The following MBP variants were observed in gnomAD, a reference collection of about 807,000 sequenced individuals.
MBP encodes the protein Golli-MBP.
A neutral mutation model predicts 35.8 loss-of-function variants in MBP; 16 were observed. That is an observed-to-expected ratio of 0.45 (90% confidence interval 0.30 to 0.68). The LOEUF is 0.68. Ranked by LOEUF, MBP falls within the 30% of genes least tolerant of loss-of-function variation. The pLI, the probability that MBP is intolerant of heterozygous loss-of-function variation, is 0.08. For synonymous variants in MBP, 143 were observed against 159.6 expected (o/e 0.90, Z 0.78); for missense variants, 380 against 404.7 (o/e 0.94, Z 0.52).
chr18:77,047,826 A>G (rs1248150839), intron 3 of MBP, among the ~76,000 whole-genome samples: 1 of 152,208 alleles, frequency 6.6e-6, no homozygotes, highest in Non-Finnish European at 1.5e-5. Flanking sequence ...TCCAAATGCT[A>G]GCAAATGAAC....
intron 2 of MBP, among the ~76,000 whole-genome samples, chr18:77,075,330 TAAGAG>T (rs1347606637): frequency 1.3e-5 from 2 of 152,246 alleles, no homozygotes; most frequent in African/African-American, 2.4e-5. Flanking sequence ...ATGGAATTGA[TAAGAG>T]AAAACACTCT....
At chr18:77,070,088 C>CAAAA (rs529699709) in intron 2 of MBP, among the ~76,000 whole-genome samples, 2 of 152,234 alleles carry the variant, frequency 1.3e-5, no homozygotes, top group South Asian at 4.1e-4. Context: ...TTCCTGTAAG[C>CAAAA]AAAAGGTCTA....
intron 3 of MBP, among the ~76,000 whole-genome samples, chr18:77,029,776 CCACA>C (rs890176105): frequency 1.5e-5 from 2 of 132,048 alleles, no homozygotes; most frequent in Non-Finnish European, 3.4e-5. Context: ...CATAAAATGA[CCACA>C]CACACACACA....
intron 3 of MBP, among the ~76,000 whole-genome samples, chr18:77,034,722 G>A (rs750149300): frequency 1.3e-5 from 2 of 152,204 alleles, no homozygotes; most frequent in Non-Finnish European, 2.9e-5. Context: ...CTCCCTGATC[G>A]CTCCTTCGGA....
chr18:77,130,029 A>G (rs1599295686), intron 1 of MBP, among the ~76,000 whole-genome samples: 1 of 147,890 alleles, frequency 6.8e-6, no homozygotes, highest in South Asian at 2.3e-4. Context: ...AGCCTGGGTG[A>G]CAGAGCAAGA....
At chr18:77,098,445 T>G (rs1449389106) in intron 2 of MBP, among the ~76,000 whole-genome samples, 3 of 152,164 alleles carry the variant, frequency 2.0e-5, no homozygotes. Flanking sequence ...ATAAAAAGTA[T>G]TTTTAATATG....
At chr18:77,015,127 G>A in intron 4 of MBP, 1 of 983,612 alleles carries the variant, frequency 1.0e-6, no homozygotes, top group Non-Finnish European at 1.2e-6. Context: ...TGTCAATATT[G>A]TTTTGAGATA....
At chr18:77,053,097 G>A (rs894303995) in intron 3 of MBP, among the ~76,000 whole-genome samples, 1 of 152,250 alleles carries the variant, frequency 6.6e-6, no homozygotes, top group African/African-American at 2.4e-5. Flanking sequence ...ATAGGCCAGC[G>A]TGGCTGTCCC....
chr18:77,118,238 T>A (rs1387368691), intron 1 of MBP, among the ~76,000 whole-genome samples: 14 of 137,810 alleles, frequency 1.0e-4, no homozygotes, highest in East Asian at 7.2e-4. Flanking sequence ...TGGGATGGGG[T>A]CAGTGGGTTC....
At chr18:77,033,091 C>A (rs577122369) in intron 3 of MBP, among the ~76,000 whole-genome samples, 14 of 152,188 alleles carry the variant, frequency 9.2e-5, no homozygotes, top group Admixed American at 6.5e-4. Context: ...CCTCAGCCTC[C>A]TGAGTAGCTA....
chr18:77,131,069 A>G lies in MBP; in HGVS notation c.-26+1511T>C, dbSNP rs1379506363. On this transcript the variant is annotated intron_variant, in intron 1 of 8. Coordinates refer to ENST00000355994, the MANE Select transcript of MBP (RefSeq NM_001025101.2). The surrounding 1 kb of genome is among the most constrained non-coding windows in gnomAD (Gnocchi z 5.5). ...AAACCTCAAAAAACAAAACACACACACGCGCGCACGCACGCGCACACACAC... is the reference window on the plus strand; with the variant it reads ...AAACCTCAAAAAACAAAACACACACGCGCGCGCACGCACGCGCACACACAC... 2.5e-5 allele frequency among the ~76,000 whole-genome samples: 2 copies of G among 80,744 alleles called. No individual in the cohort carries two copies. The highest frequency in any genetic ancestry group is 7.0e-5 in the African/African-American group (2 of 28,696). The allele number at this position is 80,744 out of a possible 152,430, so 53.0% of individuals were successfully genotyped here.
chr18:77,102,149 C>A lies in MBP; in HGVS notation c.51+3062G>T, dbSNP rs966486497. On this transcript the variant is annotated intron_variant, in intron 2 of 8. Transcript: ENST00000355994. This position sits in a 1 kb window ranked among gnomAD's most constrained non-coding sequence, Gnocchi z 4.4. ...GGGTGGGGAGAGGTGGAGAAGGTGG[C>A]AGCAGGGTGGGAAGGAGGGGGCCCT... Among the ~76,000 whole-genome samples the A allele has an allele frequency of 6.6e-6, 1 of 151,888 alleles. No homozygotes were observed. Among genetic ancestry groups the A allele is most frequent in the Non-Finnish European group, 1.5e-5 (1 of 67,980 alleles).
chr18:77,047,935 AATG>A (rs1383913956), intron 3 of MBP, among the ~76,000 whole-genome samples: 1 of 152,258 alleles, frequency 6.6e-6, no homozygotes. Flanking sequence ...GCAGAAATAC[AATG>A]ATATCATAGT....
chr18:77,116,243 T>C (rs900069549), intron 1 of MBP, among the ~76,000 whole-genome samples: 2 of 152,230 alleles, frequency 1.3e-5, no homozygotes, highest in African/African-American at 4.8e-5. Context: ...GAGAATGCAA[T>C]GTGTGGTCAT....
At chr18:77,103,738 G>A (rs1442773571) in intron 2 of MBP, among the ~76,000 whole-genome samples, 1 of 152,108 alleles carries the variant, frequency 6.6e-6, no homozygotes, top group Non-Finnish European at 1.5e-5. Flanking sequence ...TAGGCAGAGA[G>A]ACAGACAGCT....
chr18:76,985,944 C>T, intron 7 of MBP: 1 of 985,972 alleles, frequency 1.0e-6, no homozygotes, highest in Non-Finnish European at 1.2e-6. Flanking sequence ...ACCGCAGGGG[C>T]TTCCTGACAC....
chr18:77,074,057 A>G (rs893927477), intron 2 of MBP, among the ~76,000 whole-genome samples: 1 of 152,202 alleles, frequency 6.6e-6, no homozygotes, highest in Non-Finnish European at 1.5e-5. Context: ...CTTAGCTCAG[A>G]GATGAGACTG....
At chr18:77,019,182 T>C (rs561014950) in intron 3 of MBP, among the ~76,000 whole-genome samples, 1 of 152,360 alleles carries the variant, frequency 6.6e-6, no homozygotes, top group East Asian at 1.9e-4. Context: ...ACCTACATTC[T>C]AGTGGGGAAA....
chr18:77,107,643 C>T (rs1389537068), intron 1 of MBP, among the ~76,000 whole-genome samples: 1 of 152,188 alleles, frequency 6.6e-6, no homozygotes, highest in African/African-American at 2.4e-5. Context: ...GGAGAGGGGC[C>T]ATGTTTCTTC....
Sources: allele counts gnomAD v4.1 joint callset (sites outside exome capture counted in the v4.1 genomes callset), GRCh38; gene constraint gnomAD v4.1.1; non-coding constraint Gnocchi (gnomAD v3.1); transcripts MANE v1.5; gene names NCBI Gene and HGNC (gene_info 2026-07-23, HGNC 2026-07-21).